The following DNAH1 variants were observed in gnomAD, a reference collection of about 807,000 sequenced individuals.
DNAH1 encodes dynein axonemal heavy chain 1.
Under a neutral mutation model 484.3 loss-of-function variants are expected in DNAH1, and 327 were observed. The observed-to-expected ratio is 0.68, with a 90% CI of 0.62 to 0.74. DNAH1 has a LOEUF of 0.74. Ranked by LOEUF, DNAH1 falls within the 30% of genes least tolerant of loss-of-function variation. The pLI is 0.00. For missense variants in DNAH1, 5,052 were observed against 5,546.8 expected (o/e 0.91, Z 2.83); for synonymous variants, 2,192 against 2,191.9 (o/e 1.00, Z 0.00).
intron 10 of DNAH1, among the ~76,000 whole-genome samples, 197 bp downstream of exon 10, chr3:52,345,903 C>A (rs952470461): frequency 6.6e-6 from 1 of 152,192 alleles, no homozygotes; most frequent in African/African-American, 2.4e-5. Flanking sequence ...AGGGTAATGA[C>A]TCATCTTGGA....
At chr3:52,324,657 G>A (rs1161469865) in intron 3 of DNAH1, among the ~76,000 whole-genome samples, 3 of 152,096 alleles carry the variant, frequency 2.0e-5, no homozygotes, top group African/African-American at 7.2e-5. Context: ...AACATCACGA[G>A]CATGTACATT....
chr3:52,338,049 C>CT (rs1446059516), intron 8 of DNAH1, among the ~76,000 whole-genome samples: 1 of 152,210 alleles, frequency 6.6e-6, no homozygotes, highest in African/African-American at 2.4e-5. Context: ...TCACCTCAGC[C>CT]TCCCAAAGTG....
chr3:52,350,726 G>A lies in DNAH1; in HGVS notation c.2729+136G>A, dbSNP rs541004995. 6 of 862,094 alleles carry A rather than the reference G, an allele frequency of 7.0e-6. No individual in the cohort carries two copies. In the African/African-American group the frequency reaches 8.3e-5, roughly 12 times the overall value. The allele number at this position is 862,094 out of a possible 1,614,324, so 53.4% of individuals were successfully genotyped here. A position where few individuals can be genotyped will look rare whatever the true frequency, so the allele number is the denominator to read the frequency against. On this transcript the variant is annotated intron_variant, in intron 16 of 77. Transcript: ENST00000420323. ...AGAAACACCCCACTGAGATTTCAGA[G>A]GCCAGGGCTCCACACATGGGCCGGG... is the stretch of plus-strand genomic sequence containing the variant.
intron 3 of DNAH1, among the ~76,000 whole-genome samples, chr3:52,324,324 C>T (rs1701258908): frequency 6.6e-6 from 1 of 152,180 alleles, no homozygotes; most frequent in South Asian, 2.1e-4. Context: ...GGGGACTCTC[C>T]TCTCAGGCTC....
At chr3:52,326,668 TG>T in intron 4 of DNAH1, 66 bp from the exon 5 acceptor site, 1 of 1,527,574 alleles carries the variant, frequency 6.5e-7, no homozygotes, top group Non-Finnish European at 8.8e-7. Flanking sequence ...TAGGCCCTTG[TG>T]GACACCCATG....
intron 8 of DNAH1, among the ~76,000 whole-genome samples, chr3:52,335,550 C>G (rs1701713148): frequency 6.6e-6 from 1 of 152,014 alleles, no homozygotes; most frequent in Non-Finnish European, 1.5e-5. Context: ...CTCAGGTGAT[C>G]CACCTGCCTC....
intron 15 of DNAH1, among the ~76,000 whole-genome samples, 180 bp downstream of exon 15, chr3:52,350,288 G>T (rs1702320531): frequency 6.6e-6 from 1 of 152,078 alleles, no homozygotes; most frequent in East Asian, 1.9e-4. Flanking sequence ...CTGCTGTCTG[G>T]GGGTAGGGGG....
chr3:52,320,418 G>A (rs1252591201), intron 1 of DNAH1, among the ~76,000 whole-genome samples: 1 of 152,246 alleles, frequency 6.6e-6, no homozygotes, highest in Non-Finnish European at 1.5e-5. Flanking sequence ...TGGGCTGAAT[G>A]TCTGGGGCTT....
Position 52,362,397 on chromosome 3 carries a change from T to G in DNAH1, c.4990T>G (p.Phe1664Val), listed in dbSNP as rs779161859. 10 of 1,613,566 alleles carry G rather than the reference T, an allele frequency of 6.2e-6. 1 individual carries two copies. The Admixed American group carries it at 1.0e-4, about 16-fold the overall frequency. ...QKAQQQRVER[F>V]MFEGVEIPLV... is the part of the protein sequence containing the mutation. ...CCTCTCCCCACTGCAGGTGGAACGCTTCATGTTTGAGGGTGTGGAGATCCC... is the reference window on the plus strand; with the variant it reads ...CCTCTCCCCACTGCAGGTGGAACGCGTCATGTTTGAGGGTGTGGAGATCCC... The change falls in exon 31 of 78, where the codon TTC becomes GTC. Residue 1664 changes from phenylalanine to valine, a missense_variant. Physicochemically the swap from Phe to Val is conservative, Grantham distance 50. Transcript: ENST00000420323. The surrounding 1 kb of genome is among the most constrained non-coding windows in gnomAD (Gnocchi z 5.1).
rs757373555 is a variant in DNAH1 at position 52,369,984 on chromosome 3, G to T, written c.6103G>T (p.Glu2035Ter). ...GCCTCCCTTGCTGAAGCCCTATGAGGAGCATTTCAAGGCCCTCTTTGTCAG... is the reference window on the plus strand; with the variant it reads ...GCCTCCCTTGCTGAAGCCCTATGAGTAGCATTTCAAGGCCCTCTTTGTCAG... ...KLPPLLKPYE[E>*]HFKALFVSFL... Residue 2035 changes from glutamate to a stop codon, truncating the protein, a stop_gained, in exon 38 of 78, where the codon GAG becomes TAG. Coordinates refer to ENST00000420323, the MANE Select transcript of DNAH1 (RefSeq NM_015512.5). LOFTEE classifies it high-confidence loss of function. 3 of 1,613,896 alleles carry T rather than the reference G, an allele frequency of 1.9e-6. No individual in the cohort carries two copies. Among genetic ancestry groups the T allele is most frequent in the Non-Finnish European group, 2.5e-6 (3 of 1,179,826 alleles).
intron 6 of DNAH1, among the ~76,000 whole-genome samples, chr3:52,328,649 C>T (rs961652948): frequency 1.3e-5 from 2 of 152,280 alleles, no homozygotes; most frequent in African/African-American, 4.8e-5. Context: ...GTGCCCTTGG[C>T]TGCTCCTTTG....
rs1317951288 is a variant in DNAH1, at chr3:52,397,814, C to T, written c.11895C>T (p.Leu3965=). Residue 3965 remains leucine, a synonymous_variant, in exon 74 of 78, where the codon CTC becomes CTT. Coordinates refer to ENST00000420323, the MANE Select transcript of DNAH1 (RefSeq NM_015512.5). ...ITFAQNETFA[L]LGTIIQLQPK... Reference sequence around the variant, plus strand: ...TTGCCCAGAACGAGACGTTCGCCCTCCTGGGCACCATCATCCAGCTGCAAC... The same window carrying T: ...TTGCCCAGAACGAGACGTTCGCCCTTCTGGGCACCATCATCCAGCTGCAAC... The T allele has an allele frequency of 6.2e-7, 1 of 1,613,454 alleles. No homozygotes were observed.
Position 52,326,809 on chromosome 3 carries a change from T to C in DNAH1, c.656T>C (p.Met219Thr). 2 of 1,613,774 alleles carry C rather than the reference T, an allele frequency of 1.2e-6. No homozygotes were observed. Among genetic ancestry groups the C allele is most frequent in the Non-Finnish European group, 1.7e-6 (2 of 1,179,798 alleles). Residue 219 changes from methionine to threonine, a missense_variant, in exon 5 of 78, where the codon ATG becomes ACG. This residue lies in a region of DNAH1 where 1,263 missense variants were observed against 1,218.8 expected (regional missense o/e 1.04). Transcript: ENST00000420323. ...CAGGGCATCGACTCCAACAAGCTCA[T>C]GCCCAGGCACCTGGACCACCAGCAC... ...FSQGIDSNKL[M>T]PRHLDHQHPQ... is the part of the protein sequence containing the mutation.
rs1240653077 is a variant in DNAH1, at chr3:52,385,459, C to T, written c.8625+12C>T. On this transcript the variant is annotated intron_variant, in intron 54 of 77. Transcript: ENST00000420323. ...TGGAGCAGATCAAGGTTGGGGTGCT[C>T]CCGAGCCCCTCCCCAATGCCTGACT... 2 of 1,549,696 alleles carry T rather than the reference C, an allele frequency of 1.3e-6. No homozygotes were observed. The highest frequency in any genetic ancestry group is 1.7e-6 in the Non-Finnish European group (2 of 1,145,556).
At chr3:52,352,173 T>C (rs1033479842) in intron 17 of DNAH1, 70 bp downstream of exon 17, 1 of 1,525,350 alleles carries the variant, frequency 6.6e-7, no homozygotes, top group Non-Finnish European at 8.8e-7. Context: ...CTCCAGGGCC[T>C]GGCCTCACTT....
At chr3:52,351,265 G>A (rs1182197613) in intron 16 of DNAH1, among the ~76,000 whole-genome samples, 1 of 152,152 alleles carries the variant, frequency 6.6e-6, no homozygotes, top group Non-Finnish European at 1.5e-5. Context: ...CCCTGGAGAG[G>A]GGCATTTGTC....
chr3:52,399,135 A>T lies in DNAH1; in HGVS notation c.12375A>T (p.Thr4125=), dbSNP rs61734637. 9,159 of 1,613,974 alleles carry T rather than the reference A, an allele frequency of 5.7e-3. 70 individuals carry two copies. Among genetic ancestry groups the T allele is most frequent in the South Asian group, 0.023 (2,122 of 91,080 alleles). ...TCTTCTTCCCCCAGGCTTTCTTAAC[A>T]GGCACTCTGCAGAATTTTGCCCGCA... The part of the protein sequence containing the change: ...SGFFFPQAFL[T]GTLQNFARKF... The change falls in exon 76 of 78, where the codon ACA becomes ACT. Residue 4125 remains threonine, a synonymous_variant. Transcript: ENST00000420323.
chr3:52,388,285 G>A lies in DNAH1; in HGVS notation c.9122G>A (p.Arg3041His), dbSNP rs546452557. Residue 3041 changes from arginine to histidine, a missense_variant, in exon 57 of 78, where the codon CGC (arginine) becomes CAC (histidine). By Grantham distance (29) the Arg-to-His change is conservative. This residue lies in a region of DNAH1 where 2,929 missense variants were observed against 3,409.4 expected (regional missense o/e 0.86). Transcript: ENST00000420323. Reference protein sequence around the residue: ...KACTSICQWVRAMHKYHFVAK... With the variant: ...KACTSICQWVHAMHKYHFVAK... Reference sequence around the variant, plus strand: ...TGCACCTCCATCTGCCAGTGGGTGCGCGCCATGCACAAGTACCACTTTGTG... The same window carrying A: ...TGCACCTCCATCTGCCAGTGGGTGCACGCCATGCACAAGTACCACTTTGTG... The A allele has an allele frequency of 1.1e-5, 17 of 1,601,604 alleles. No individual in the cohort carries two copies. Among genetic ancestry groups the A allele is most frequent in the African/African-American group, 1.3e-5 (1 of 74,880 alleles).
At chr3:52,391,937 C>T (rs1704408636) in intron 63 of DNAH1, among the ~76,000 whole-genome samples, 1 of 152,336 alleles carries the variant, frequency 6.6e-6, no homozygotes, top group African/African-American at 2.4e-5. Flanking sequence ...ATCCTCAGAG[C>T]TGACCCAGAG....
Sources: allele counts gnomAD v4.1 joint callset (sites outside exome capture counted in the v4.1 genomes callset), GRCh38; gene constraint gnomAD v4.1.1; regional missense constraint gnomAD v4.1.1; non-coding constraint Gnocchi (gnomAD v3.1); transcripts MANE v1.5; gene names NCBI Gene and HGNC (gene_info 2026-07-23, HGNC 2026-07-21).